The following PTPRD variants were observed in gnomAD, a reference collection of about 807,000 sequenced individuals.
The protein encoded by PTPRD is protein tyrosine phosphatase receptor type D, also known as receptor-type tyrosine-protein phosphatase delta.
Under a neutral mutation model 214.5 loss-of-function variants are expected in PTPRD, and 34 were observed. The ratio of observed to expected loss-of-function variants is 0.16; its 90% confidence interval spans 0.12 to 0.21. The LOEUF is 0.21. Among genes scored for constraint, PTPRD ranks in the 10% least tolerant of loss-of-function variants. PTPRD has a pLI of 1.00. For missense variants in PTPRD, 2,545 were observed against 2,398.7 expected (o/e 1.06, Z -1.27); for synonymous variants, 1,128 against 845.7 (o/e 1.33, Z -5.79).
chr9:9,927,541 A>G (rs2084772283), intron 5 of PTPRD, among the ~76,000 whole-genome samples: 1 of 152,138 alleles, frequency 6.6e-6, no homozygotes, highest in East Asian at 1.9e-4. Flanking sequence ...CTGGAAAACA[A>G]TTGGTGTCTG....
intron 2 of PTPRD, among the ~76,000 whole-genome samples, chr9:10,358,565 C>G (rs1039274437): frequency 1.3e-5 from 2 of 151,814 alleles, no homozygotes; most frequent in Admixed American, 1.3e-4. Context: ...ATTTATGTCT[C>G]TTAGCATCAC....
chr9:8,903,269 A>G (rs544774073), intron 11 of PTPRD, among the ~76,000 whole-genome samples: 1 of 152,264 alleles, frequency 6.6e-6, no homozygotes, highest in South Asian at 2.1e-4. Context: ...GGTACTGAGC[A>G]TAGTACTCGA....
intron 3 of PTPRD, among the ~76,000 whole-genome samples, chr9:10,247,212 A>C (rs2092249374): frequency 6.6e-6 from 1 of 152,182 alleles, no homozygotes; most frequent in Non-Finnish European, 1.5e-5. Flanking sequence ...CTAGAGAGAC[A>C]ATAGTATCTC....
chr9:8,946,042 T>G (rs543884742), intron 11 of PTPRD, among the ~76,000 whole-genome samples: 1 of 152,304 alleles, frequency 6.6e-6, no homozygotes, highest in African/African-American at 2.4e-5. Flanking sequence ...CATGAGATAT[T>G]GATTTAATTC....
intron 2 of PTPRD, among the ~76,000 whole-genome samples, chr9:10,354,561 T>C (rs1025648606): frequency 6.6e-6 from 1 of 152,214 alleles, no homozygotes; most frequent in African/African-American, 2.4e-5. Context: ...CTTAAGTTCT[T>C]TGACTCTCAA....
At chr9:9,708,164 A>G (rs1008434999) in intron 7 of PTPRD, among the ~76,000 whole-genome samples, 5 of 152,054 alleles carry the variant, frequency 3.3e-5, no homozygotes, top group African/African-American at 1.2e-4. Context: ...AATTGACAAA[A>G]CATATTTCTA....
intron 9 of PTPRD, among the ~76,000 whole-genome samples, chr9:9,245,259 C>A (rs1057305063): frequency 3.3e-4 from 50 of 152,226 alleles, no homozygotes; most frequent in African/African-American, 1.2e-3. Context: ...ACTAGAAATA[C>A]CATTTGACCC....
At chr9:8,553,382 C>A (rs1278056109) in intron 14 of PTPRD, among the ~76,000 whole-genome samples, 1 of 152,158 alleles carries the variant, frequency 6.6e-6, no homozygotes, top group Non-Finnish European at 1.5e-5. Context: ...CCTGAGTCCC[C>A]TGGCGTGGCG....
chr9:8,564,570 T>C (rs1263798511), intron 14 of PTPRD, among the ~76,000 whole-genome samples: 1 of 152,060 alleles, frequency 6.6e-6, no homozygotes, highest in Admixed American at 6.6e-5. Flanking sequence ...GATGTGGTAG[T>C]GCGTGCCTGT....
chr9:9,282,343 A>G (rs186300944), intron 9 of PTPRD, among the ~76,000 whole-genome samples: 1 of 151,348 alleles, frequency 6.6e-6, no homozygotes, highest in East Asian at 2.0e-4. Flanking sequence ...TTGGGGGGCA[A>G]TCTGTATTTC....
chr9:10,301,562 G>C (rs972183131), intron 3 of PTPRD, among the ~76,000 whole-genome samples: 6 of 152,086 alleles, frequency 3.9e-5, no homozygotes, highest in African/African-American at 1.4e-4. Flanking sequence ...AACCAGTATA[G>C]AGAAGAACAT....
chr9:9,811,676 CAGCCT>C (rs1815558131), intron 5 of PTPRD, among the ~76,000 whole-genome samples: 1 of 152,166 alleles, frequency 6.6e-6, no homozygotes, highest in African/African-American at 2.4e-5. Context: ...CACTGCACTC[CAGCCT>C]GGGTGACAGA....
intron 3 of PTPRD, among the ~76,000 whole-genome samples, chr9:10,283,251 A>G (rs923334994): frequency 6.6e-6 from 1 of 152,122 alleles, no homozygotes; most frequent in African/African-American, 2.4e-5. Flanking sequence ...GTCCTGATGT[A>G]TGTGCTTATA....
intron 3 of PTPRD, among the ~76,000 whole-genome samples, chr9:10,123,947 T>C (rs1044271611): frequency 6.6e-6 from 1 of 152,204 alleles, no homozygotes; most frequent in African/African-American, 2.4e-5. Context: ...CTAGTAAGCA[T>C]GTGTTCTTTA....
chr9:10,445,209 T>C (rs1406815504), intron 2 of PTPRD, among the ~76,000 whole-genome samples: 2 of 152,084 alleles, frequency 1.3e-5, no homozygotes, highest in African/African-American at 2.4e-5. Context: ...AAAAGTGGTA[T>C]GAGCTAAGCC....
chr9:9,938,844 AGG>A (rs2090472467), intron 4 of PTPRD, among the ~76,000 whole-genome samples: 1 of 152,094 alleles, frequency 6.6e-6, no homozygotes. Flanking sequence ...TCCTTATAAA[AGG>A]TTATTTATTA....
intron 5 of PTPRD, among the ~76,000 whole-genome samples, chr9:9,795,566 T>A (rs1395628786): frequency 1.3e-5 from 2 of 152,192 alleles, no homozygotes; most frequent in Non-Finnish European, 2.9e-5. Flanking sequence ...AAAAGGGACG[T>A]CAAAAGGGAG....
At chr9:9,984,828 C>T (rs2095655114) in intron 4 of PTPRD, among the ~76,000 whole-genome samples, 1 of 152,116 alleles carries the variant, frequency 6.6e-6, no homozygotes, top group African/African-American at 2.4e-5. Flanking sequence ...GAGGACAGTG[C>T]ATTCTGGGAG....
chr9:9,499,275 A>C (rs998388046), intron 8 of PTPRD, among the ~76,000 whole-genome samples: 1 of 152,118 alleles, frequency 6.6e-6, no homozygotes, highest in Non-Finnish European at 1.5e-5. Context: ...ACAACTTCTG[A>C]AAAATTGAAA....
Sources: allele counts gnomAD v4.1 joint callset (sites outside exome capture counted in the v4.1 genomes callset), GRCh38; gene constraint gnomAD v4.1.1; transcripts MANE v1.5; gene names NCBI Gene and HGNC (gene_info 2026-07-23, HGNC 2026-07-21).